Variants in TBL2 observed in about 807,000 individuals in gnomAD.
TBL2 encodes the protein transducin beta-like protein 2.
A neutral mutation model predicts 41.8 loss-of-function variants in TBL2; 33 were observed. The observed-to-expected ratio is 0.79, with a 90% CI of 0.60 to 1.06. TBL2 has a LOEUF of 1.06. Among genes scored for constraint, TBL2 ranks in the 50% least tolerant of loss-of-function variants. TBL2 has a pLI of 0.00. For missense variants in TBL2, 522 were observed against 603.8 expected, an observed-to-expected ratio of 0.86 and a Z score of 1.42; for synonymous variants, 239 against 241.7, an observed-to-expected ratio of 0.99 and a Z score of 0.10.
intron 5 of TBL2, among the ~76,000 whole-genome samples, chr7:73,572,317 T>C (rs1793012366): frequency 6.6e-6 from 1 of 152,054 alleles, no homozygotes; most frequent in African/African-American, 2.4e-5. Flanking sequence ...GGTGTGGTAG[T>C]GCACGCCTGT....
Position 73,569,755 on chromosome 7 carries a change from A to C in TBL2, c.*752T>G, listed in dbSNP as rs139412281. On this transcript the variant is annotated 3_prime_UTR_variant, in exon 7 of 7. Coordinates refer to ENST00000305632, the MANE Select transcript of TBL2 (RefSeq NM_012453.4). ...GATGAACTGAAAAGAGGTCTCCTTA[A>C]ACAAGATATCATCTCCCGAAGAGAG... 1 of 152,328 alleles carries C rather than the reference A, an allele frequency of 6.6e-6. No individual in the cohort carries two copies. Among genetic ancestry groups the C allele is most frequent in the African/African-American group, 2.4e-5 (1 of 41,570 alleles). The allele number at this position is 152,328 out of a possible 1,614,324, so 9.4% of individuals were successfully genotyped here.
intron 1 of TBL2, among the ~76,000 whole-genome samples, chr7:73,574,961 C>T (rs1371011314): frequency 6.6e-6 from 1 of 152,174 alleles, no homozygotes; most frequent in Non-Finnish European, 1.5e-5. Context: ...AAGGCGCACT[C>T]TCTGGGTTGG....
In TBL2 at chr7:73,573,299, C is replaced by G. The variant is rs976555785; in HGVS notation, c.598+21G>C. The G allele has an allele frequency of 6.8e-6, 11 of 1,613,194 alleles. No homozygotes were observed. The Admixed American group carries it at 1.5e-4, about 22-fold the overall frequency. On this transcript the variant is annotated intron_variant, in intron 4 of 6. Coordinates refer to ENST00000305632, the MANE Select transcript of TBL2 (RefSeq NM_012453.4). ...TTTCCTTCATGCTTTGGGCAGGCGC[C>G]ACCCTCTGAATGCCTCTTACCTGTG...
chr7:73,570,329 G>A lies in TBL2; in HGVS notation c.*178C>T. On this transcript the variant is annotated 3_prime_UTR_variant, in exon 7 of 7. Transcript: ENST00000305632. ...ACTAGTCAGGGAGGAGTCACAGCCA[G>A]CAAGAAGAGAGAGACCTAAGTAGAC... 1 of 1,174,958 alleles carries A rather than the reference G, an allele frequency of 8.5e-7. No individual in the cohort carries two copies. Among genetic ancestry groups the A allele is most frequent in the Non-Finnish European group, 1.1e-6 (1 of 881,938 alleles). The allele number at this position is 1,174,958 out of a possible 1,614,324, so 72.8% of individuals were successfully genotyped here. A position where few individuals can be genotyped will look rare whatever the true frequency, so the allele number is the denominator to read the frequency against.
intron 1 of TBL2, chr7:73,576,553 G>A (rs983224420): frequency 8.8e-6 from 4 of 453,730 alleles, no homozygotes; most frequent in Admixed American, 4.7e-5. Context: ...GAAAGAACTC[G>A]GGGATGAGAA....
At chr7:73,578,300 A>T (rs2116036618) in intron 1 of TBL2, 120 bp downstream of exon 1, 1 of 1,535,360 alleles carries the variant, frequency 6.5e-7, no homozygotes, top group Admixed American at 2.0e-5. Flanking sequence ...CAGAGGAGAA[A>T]CTGAGGCCCA....
rs370483599 is a variant in TBL2, at chr7:73,574,049, C to A, written c.335G>T (p.Arg112Leu). ...GKYLATCADD[R>L]TIRIWSTKDF... is the part of the protein sequence containing the mutation. ...CTTGGTGCTCCAGATGCGGATGGTG[C>A]GATCATCTGCACAGGTAGCCAGGTA... The change falls in exon 3 of 7, where the codon CGC becomes CTC. Residue 112 changes from arginine to leucine, a missense_variant. Transcript: ENST00000305632. 2.5e-6 allele frequency: 4 copies of A among 1,613,994 alleles called. No individual in the cohort carries two copies. Among genetic ancestry groups the A allele is most frequent in the Non-Finnish European group, 3.4e-6 (4 of 1,180,026 alleles).
At chr7:73,578,378 G>A (rs782105085) in intron 1 of TBL2, 42 bp downstream of exon 1, 2 of 1,521,544 alleles carry the variant, frequency 1.3e-6, no homozygotes, top group East Asian at 2.6e-5. Flanking sequence ...GCCGGGAGCC[G>A]GGACACCGCG....
chr7:73,578,121 G>C (rs921991865), intron 1 of TBL2: 5 of 802,414 alleles, frequency 6.2e-6, no homozygotes, highest in Non-Finnish European at 9.3e-6. Flanking sequence ...CGCGGCCACG[G>C]AGCAGGCTGA....
Position 73,578,430 on chromosome 7 carries a change from G to A in TBL2, c.120C>T (p.Gly40=), listed in dbSNP as rs782632174. ...CCCGGCCCCACTTACAGGCGGGCCG[G>A]CCGCTCCTCTCCTCCCCCGCGCGCA... is the stretch of plus-strand genomic sequence containing the variant. ...GWLRAGEERS[G]RPACQKANGF... Residue 40 remains glycine, a synonymous_variant, in exon 1 of 7, where the codon GGC becomes GGT. Transcript: ENST00000305632. 8.5e-6 allele frequency: 13 copies of A among 1,530,060 alleles called. No individual in the cohort carries two copies. In the African/African-American group the frequency reaches 1.6e-4, roughly 19 times the overall value. 94.8% of individuals were successfully genotyped at this position (1,530,060 alleles called of 1,614,324 possible).
At chr7:73,572,725 G>T in intron 5 of TBL2, 119 bp downstream of exon 5, 1 of 1,431,720 alleles carries the variant, frequency 7.0e-7, no homozygotes. Flanking sequence ...CTTGAAGCTC[G>T]GGTTCCTGAC....
chr7:73,577,558 G>A (rs1793415894), intron 1 of TBL2, among the ~76,000 whole-genome samples: 1 of 152,188 alleles, frequency 6.6e-6, no homozygotes, highest in African/African-American at 2.4e-5. Flanking sequence ...TGGGCAAGAA[G>A]AGCGAAACTC....
chr7:73,575,540 G>C (rs1259041856), intron 1 of TBL2, among the ~76,000 whole-genome samples: 3 of 152,074 alleles, frequency 2.0e-5, no homozygotes, highest in African/African-American at 7.2e-5. Flanking sequence ...TGATCCACCC[G>C]CCTCGGCCTC....
rs1477461527 is a variant in TBL2, at chr7:73,573,314, T to C, written c.598+6A>G. The C allele has an allele frequency of 6.2e-7, 1 of 1,613,950 alleles. No individual in the cohort carries two copies. The highest frequency in any genetic ancestry group is 1.7e-5 in the Admixed American group (1 of 59,986). ...GGGCAGGCGCCACCCTCTGAATGCC[T>C]CTTACCTGTGTTAGCAATGCCAATG... On this transcript the variant is annotated splice_donor_region_variant and intron_variant, in intron 4 of 6. Coordinates refer to ENST00000305632, the MANE Select transcript of TBL2 (RefSeq NM_012453.4).
chr7:73,574,513 C>A lies in TBL2; in HGVS notation c.131G>T (p.Cys44Phe), dbSNP rs1431041921. ...AGGTGGAAATCCATTTGCTTTTTGG[C>A]CTATAAGGAAGGGCCATGTTGTTCT... is the stretch of plus-strand genomic sequence containing the variant. The part of the protein sequence containing the change: ...AGEERSGRPA[C>F]QKANGFPPDK... The change falls in exon 2 of 7, where the codon TGC becomes TTC. Residue 44 changes from cysteine to phenylalanine, a missense_variant and splice_region_variant. Cys to Phe is a radical substitution (Grantham distance 205). Coordinates refer to ENST00000305632, the MANE Select transcript of TBL2 (RefSeq NM_012453.4). 1 of 1,614,056 alleles carries A rather than the reference C, an allele frequency of 6.2e-7. No homozygotes were observed. The highest frequency in any genetic ancestry group is 8.5e-7 in the Non-Finnish European group (1 of 1,180,048).
chr7:73,577,263 G>GT (rs1563456498), intron 1 of TBL2, among the ~76,000 whole-genome samples: 1 of 77,388 alleles, frequency 1.3e-5, no homozygotes, highest in Non-Finnish European at 2.9e-5. Flanking sequence ...CCGTCCCCCT[G>GT]CAAAAAAAAA....
At chr7:73,574,205 C>T in intron 2 of TBL2, 83 bp from the exon 3 acceptor site, 1 of 1,561,156 alleles carries the variant, frequency 6.4e-7, no homozygotes, top group Non-Finnish European at 8.7e-7. Flanking sequence ...GAGATGGGGC[C>T]CTGTGGCCTG....
intron 4 of TBL2, 147 bp downstream of exon 4, chr7:73,573,173 A>G: frequency 7.2e-7 from 1 of 1,382,876 alleles, no homozygotes; most frequent in Non-Finnish European, 9.9e-7. Flanking sequence ...ACTCCAGGGG[A>G]GCACAGAGCC....
intron 1 of TBL2, chr7:73,578,010 T>C (rs1366929249): frequency 1.0e-5 from 5 of 484,518 alleles, no homozygotes; most frequent in African/African-American, 1.0e-4. Context: ...ACTTCTCCTT[T>C]ACTGGACTCC....
Sources: gnomAD v4.1 joint callset for allele counts (sites outside exome capture counted in the v4.1 genomes callset) on GRCh38, gnomAD v4.1.1 for gene constraint, MANE v1.5 for transcripts, NCBI Gene and HGNC (gene_info 2026-07-23, HGNC 2026-07-21) for gene names.